PPM1H: variants seen among roughly 807,000 people sequenced by gnomAD.
PPM1H encodes protein phosphatase, Mg2+/Mn2+ dependent 1H.
Under a neutral mutation model 54.9 loss-of-function variants are expected in PPM1H, and 27 were observed. That is an observed-to-expected ratio of 0.49 (90% CI 0.36 to 0.68). PPM1H has a LOEUF of 0.68. PPM1H is among the 30% of genes least tolerant of loss of function. The pLI, the probability that PPM1H is intolerant of heterozygous loss-of-function variation, is 0.00. For missense variants in PPM1H, 596 were observed against 667.8 expected, an observed-to-expected ratio of 0.89 and a Z score of 1.19; for synonymous variants, 305 against 270.8, an observed-to-expected ratio of 1.13 and a Z score of -1.24.
At chr12:62,803,425 T>C (rs1389987744) in intron 2 of PPM1H, among the ~76,000 whole-genome samples, 1 of 152,172 alleles carries the variant, frequency 6.6e-6, no homozygotes, top group Non-Finnish European at 1.5e-5. Flanking sequence ...TTGACAAGGG[T>C]ACCAAGAATA....
intron 1 of PPM1H, among the ~76,000 whole-genome samples, chr12:62,860,878 G>T (rs1256994545): frequency 6.6e-6 from 1 of 152,186 alleles, no homozygotes; most frequent in East Asian, 1.9e-4. Flanking sequence ...CACTGACTGG[G>T]TGTGGGAAAA....
At chr12:62,681,369 C>A (rs556611605) in intron 8 of PPM1H, among the ~76,000 whole-genome samples, 3 of 152,300 alleles carry the variant, frequency 2.0e-5, no homozygotes, top group Admixed American at 2.0e-4. Flanking sequence ...GTCCCTTCCC[C>A]AGTTCGGCTC....
chr12:62,934,839 C>A lies in PPM1H; in HGVS notation c.-103G>T. 1 of 1,168,416 alleles carries A rather than the reference C, an allele frequency of 8.6e-7. No individual in the cohort carries two copies. Among genetic ancestry groups the A allele is most frequent in the Non-Finnish European group, 1.1e-6 (1 of 925,204 alleles). 72.4% of individuals were successfully genotyped at this position (1,168,416 alleles called of 1,614,324 possible). On this transcript the variant is annotated 5_prime_UTR_variant, in exon 1 of 10. Coordinates refer to ENST00000228705, the MANE Select transcript of PPM1H (RefSeq NM_020700.2). This position sits in a 1 kb window ranked among gnomAD's most constrained non-coding sequence, Gnocchi z 4.2. The stretch of plus-strand genomic sequence containing the variant: ...GCTGCGGTGGGCGCCGGGCGCACGG[C>A]GAGTCGGGCCACTGGGACGCGCCGC...
chr12:62,678,711 G>C (rs1313752125), intron 8 of PPM1H, among the ~76,000 whole-genome samples: 1 of 151,326 alleles, frequency 6.6e-6, no homozygotes, highest in Non-Finnish European at 1.5e-5. Context: ...TTCTTTTTGA[G>C]ACAGAGTCTT....
chr12:62,750,067 C>T (rs1403076081), intron 4 of PPM1H, among the ~76,000 whole-genome samples: 2 of 145,216 alleles, frequency 1.4e-5, no homozygotes, highest in Non-Finnish European at 3.1e-5. Flanking sequence ...TATCATTTCT[C>T]AAAAAAAAAA....
intron 6 of PPM1H, among the ~76,000 whole-genome samples, chr12:62,704,239 C>T (rs1278779556): frequency 2.6e-5 from 4 of 152,118 alleles, no homozygotes; most frequent in Non-Finnish European, 4.4e-5. Flanking sequence ...GGATCAGTCC[C>T]CAGGGTGAGT....
chr12:62,852,228 C>CAAA (rs59673617), intron 1 of PPM1H, among the ~76,000 whole-genome samples: 3,173 of 60,272 alleles, frequency 0.053, 384 homozygotes, highest in African/African-American at 0.18. Context: ...GACTCTGTCT[C>CAAA]AAAAAAAAAA....
At chr12:62,887,862 C>A (rs1870646711) in intron 1 of PPM1H, among the ~76,000 whole-genome samples, 1 of 152,142 alleles carries the variant, frequency 6.6e-6, no homozygotes, top group Non-Finnish European at 1.5e-5. Context: ...GGGAGAGCAA[C>A]TGCAAAGGTC....
intron 9 of PPM1H, among the ~76,000 whole-genome samples, chr12:62,659,818 C>A (rs2075872814): frequency 6.6e-6 from 1 of 152,190 alleles, no homozygotes; most frequent in South Asian, 2.1e-4. Context: ...GCACCTTACC[C>A]TTCTCACCGG....
At chr12:62,658,212 T>C (rs10784313) in intron 9 of PPM1H, among the ~76,000 whole-genome samples, 16,045 of 130,438 alleles carry the variant, frequency 0.12, 1,195 homozygotes, top group East Asian at 0.18. Flanking sequence ...TTTTTTTTTT[T>C]AAGTAAAAAA....
chr12:62,883,022 T>C (rs1870452024), intron 1 of PPM1H, among the ~76,000 whole-genome samples: 1 of 152,180 alleles, frequency 6.6e-6, no homozygotes, highest in Non-Finnish European at 1.5e-5. Context: ...AAAGAATCAC[T>C]GTAGTATATT....
At chr12:62,890,702 T>C (rs1870753758) in intron 1 of PPM1H, among the ~76,000 whole-genome samples, 1 of 142,650 alleles carries the variant, frequency 7.0e-6, no homozygotes, top group Non-Finnish European at 1.5e-5. Flanking sequence ...TATAATATCA[T>C]TTCGTGTGTG....
chr12:62,696,552 C>A (rs1359811178), intron 6 of PPM1H, among the ~76,000 whole-genome samples: 1 of 152,172 alleles, frequency 6.6e-6, no homozygotes, highest in African/African-American at 2.4e-5. Flanking sequence ...AGTGGACTTC[C>A]ATCCATAGTT....
chr12:62,671,118 C>A (rs1053100786), intron 8 of PPM1H, among the ~76,000 whole-genome samples: 1 of 152,118 alleles, frequency 6.6e-6, no homozygotes, highest in Non-Finnish European at 1.5e-5. Flanking sequence ...TCGAACCATA[C>A]CCACATCCTC....
chr12:62,745,572 G>A (rs922722906), intron 4 of PPM1H, among the ~76,000 whole-genome samples: 44 of 152,084 alleles, frequency 2.9e-4, no homozygotes, highest in Admixed American at 2.4e-3. Flanking sequence ...CTTCTACTAG[G>A]TGGCCCAACC....
intron 4 of PPM1H, among the ~76,000 whole-genome samples, chr12:62,748,370 A>C (rs1385453122): frequency 6.6e-6 from 1 of 152,238 alleles, no homozygotes; most frequent in African/African-American, 2.4e-5. Context: ...CTCCGCAGCA[A>C]GGGAACTTGC....
chr12:62,903,318 C>CT (rs1871213230), intron 1 of PPM1H, among the ~76,000 whole-genome samples: 1 of 152,048 alleles, frequency 6.6e-6, no homozygotes, highest in Non-Finnish European at 1.5e-5. Context: ...GGCAAAAACT[C>CT]TAAAAGGAGA....
At chr12:62,864,764 G>A (rs1312400143) in intron 1 of PPM1H, among the ~76,000 whole-genome samples, 3 of 152,108 alleles carry the variant, frequency 2.0e-5, no homozygotes, top group African/African-American at 7.2e-5. Context: ...GGTACAATAT[G>A]AGTAAAATGT....
chr12:62,694,367 G>T (rs1446028447), intron 6 of PPM1H, among the ~76,000 whole-genome samples: 1 of 152,180 alleles, frequency 6.6e-6, no homozygotes, highest in Non-Finnish European at 1.5e-5. Flanking sequence ...AATGGAGTGT[G>T]AAACTGCTTC....
Sources: gnomAD v4.1 joint callset for allele counts (sites outside exome capture counted in the v4.1 genomes callset) on GRCh38, gnomAD v4.1.1 for gene constraint, Gnocchi (gnomAD v3.1) non-coding constraint, MANE v1.5 for transcripts, NCBI Gene and HGNC (gene_info 2026-07-23, HGNC 2026-07-21) for gene names.